TENM2: variants seen among roughly 807,000 people sequenced by gnomAD.
TENM2 encodes the protein teneurin transmembrane protein 2.
Under a neutral mutation model 245.2 loss-of-function variants are expected in TENM2, and 52 were observed. The observed-to-expected ratio is 0.21, with a 90% CI of 0.17 to 0.27. TENM2 has a LOEUF of 0.27. Among genes scored for constraint, TENM2 ranks in the 10% least tolerant of loss-of-function variants. The pLI, the probability that TENM2 is intolerant of heterozygous loss-of-function variation, is 1.00. For missense variants in TENM2, 3,046 were observed against 3,666.8 expected, an observed-to-expected ratio of 0.83 and a Z score of 4.37; for synonymous variants, 1,363 against 1,438.9, an observed-to-expected ratio of 0.95 and a Z score of 1.19.
chr5:168,119,124 C>T (rs976423487), intron 10 of TENM2, among the ~76,000 whole-genome samples: 23 of 152,234 alleles, frequency 1.5e-4, no homozygotes, highest in African/African-American at 4.8e-4. Flanking sequence ...CCATGTAGGG[C>T]AAATTAGCTT....
the TENM2 span, among the ~76,000 whole-genome samples, chr5:167,031,298 A>C: frequency 6.6e-6 from 1 of 152,136 alleles, no homozygotes; most frequent in Non-Finnish European, 1.5e-5. Context: ...TTTCATTTCA[A>C]CCAAAGCTAC....
intron 11 of TENM2, among the ~76,000 whole-genome samples, chr5:168,125,972 G>A (rs1302616760): frequency 6.6e-6 from 1 of 152,088 alleles, no homozygotes; most frequent in Non-Finnish European, 1.5e-5. Flanking sequence ...CCTTCACCTG[G>A]CATGCCAAGC....
intron 1 of TENM2, among the ~76,000 whole-genome samples, chr5:167,366,169 G>A (rs1307101028): frequency 1.3e-5 from 2 of 151,896 alleles, no homozygotes; most frequent in African/African-American, 4.8e-5. Context: ...AATATTATGA[G>A]GAATGAAAAT....
At chr5:167,428,105 C>T (rs1323617906) in intron 2 of TENM2, among the ~76,000 whole-genome samples, 1 of 152,146 alleles carries the variant, frequency 6.6e-6, no homozygotes, top group African/African-American at 2.4e-5. Flanking sequence ...TTATGCAAGT[C>T]TTTTACTATC....
chr5:167,132,401 C>A, the TENM2 span, among the ~76,000 whole-genome samples: 1 of 152,044 alleles, frequency 6.6e-6, no homozygotes, highest in Admixed American at 6.6e-5. Flanking sequence ...ATTTGTGCAT[C>A]CTGTGAGAAA....
chr5:167,509,413 T>C (rs1199229902), intron 2 of TENM2, among the ~76,000 whole-genome samples: 5 of 152,216 alleles, frequency 3.3e-5, no homozygotes, highest in African/African-American at 1.2e-4. Context: ...GCCAAAGTTA[T>C]TGGATTAACT....
chr5:168,158,858 C>CACAA (rs1757477898), intron 12 of TENM2, among the ~76,000 whole-genome samples: 1 of 100,384 alleles, frequency 1.0e-5, no homozygotes, highest in African/African-American at 3.4e-5. Flanking sequence ...TATACACACA[C>CACAA]ACACACACAC....
At chr5:167,651,123 C>T (rs1236517978) in intron 2 of TENM2, among the ~76,000 whole-genome samples, 1 of 151,760 alleles carries the variant, frequency 6.6e-6, no homozygotes, top group Non-Finnish European at 1.5e-5. Flanking sequence ...TAGATGAATA[C>T]TCCTCAGCAG....
intron 2 of TENM2, among the ~76,000 whole-genome samples, chr5:167,469,465 C>T (rs1158544136): frequency 1.3e-5 from 2 of 152,186 alleles, no homozygotes; most frequent in East Asian, 3.9e-4. Flanking sequence ...ATATGTTAGA[C>T]ACAACTCTGG....
In TENM2 at chr5:168,101,644, A is replaced by C. The variant is rs116363421; in HGVS notation, c.1813+3517A>C. Among the ~76,000 whole-genome samples the C allele has an allele frequency of 5.1e-4, 78 of 152,306 alleles. 1 individual carries two copies. The highest frequency in any genetic ancestry group is 1.7e-3 in the African/African-American group (69 of 41,574). ...TATTGAGTGGATGTTAAGAGTAGTT[A>C]TTCCTCCATACTCAGTCGCTGCTCC... On this transcript the variant is annotated intron_variant, in intron 9 of 28. Transcript: ENST00000518659.
chr5:167,839,329 C>T (rs998278658), intron 2 of TENM2, among the ~76,000 whole-genome samples: 1 of 152,212 alleles, frequency 6.6e-6, no homozygotes, highest in African/African-American at 2.4e-5. Context: ...CAAATAATTT[C>T]ACTGATGATT....
rs1778725031 is a variant in TENM2 at position 167,936,476 on chromosome 5, G to C, written c.713-16112G>C. On this transcript the variant is annotated intron_variant, in intron 3 of 28. Coordinates refer to ENST00000518659, the Ensembl canonical transcript of TENM2. ...TTTTAAGGACATGACAAATATTTTG[G>C]AAACAGATTTACCAAGTTTTCAGGC... Among the ~76,000 whole-genome samples the C allele has an allele frequency of 2.0e-5, 3 of 152,142 alleles. No homozygotes were observed. In the South Asian group the frequency reaches 6.2e-4, roughly 31 times the overall value.
intron 1 of TENM2, among the ~76,000 whole-genome samples, chr5:167,340,306 C>T (rs1758020670): frequency 6.6e-6 from 1 of 152,178 alleles, no homozygotes; most frequent in African/African-American, 2.4e-5. Context: ...CAGCCACACT[C>T]TACTTCTTGG....
chr5:167,690,969 GT>G (rs1757399721), intron 2 of TENM2, among the ~76,000 whole-genome samples: 3 of 141,316 alleles, frequency 2.1e-5, no homozygotes, highest in Admixed American at 2.1e-4. Flanking sequence ...GTGTGTGTGT[GT>G]AGAGAGAGAG....
At chr5:168,262,736 G>C in exon 29 of TENM2, 1 of 1,611,090 alleles carries the variant, frequency 6.2e-7, no homozygotes, top group African/African-American at 1.3e-5. Context: ...GCTTCCCGTG[G>C]AGCAATACCC....
chr5:167,441,485 G>A (rs1384518751), intron 2 of TENM2, among the ~76,000 whole-genome samples: 1 of 152,156 alleles, frequency 6.6e-6, no homozygotes, highest in African/African-American at 2.4e-5. Context: ...ATCAGCGTGT[G>A]CTTCATTAAA....
intron 11 of TENM2, among the ~76,000 whole-genome samples, chr5:168,126,109 T>C (rs934144821): frequency 2.0e-5 from 3 of 152,214 alleles, no homozygotes; most frequent in Non-Finnish European, 4.4e-5. Flanking sequence ...CAAAAGACTT[T>C]GAGCTCCTTT....
chr5:166,998,649 T>C, the TENM2 span, among the ~76,000 whole-genome samples: 1 of 152,170 alleles, frequency 6.6e-6, no homozygotes, highest in African/African-American at 2.4e-5. Flanking sequence ...AGGAGAAATG[T>C]ATAGATTATA....
chr5:167,919,084 T>C (rs1015213934), intron 3 of TENM2, among the ~76,000 whole-genome samples: 6 of 152,228 alleles, frequency 3.9e-5, no homozygotes, highest in Non-Finnish European at 5.9e-5. Flanking sequence ...TGCTTTTGTC[T>C]GGGGGCCTCT....
Sources: allele counts gnomAD v4.1 joint callset (sites outside exome capture counted in the v4.1 genomes callset), GRCh38; gene constraint gnomAD v4.1.1; transcripts MANE v1.5; gene names NCBI Gene and HGNC (gene_info 2026-07-23, HGNC 2026-07-21).